ATP9A: variants seen among roughly 807,000 people sequenced by gnomAD.
ATP9A encodes ATPase phospholipid transporting 9A, also known as probable phospholipid-transporting ATPase IIA.
Under a neutral mutation model 144.1 loss-of-function variants are expected in ATP9A, and 52 were observed. The ratio of observed to expected loss-of-function variants is 0.36; its 90% CI spans 0.29 to 0.45. The LOEUF (loss-of-function observed/expected upper bound fraction) is 0.45. Among genes scored for constraint, ATP9A ranks in the 20% least tolerant of loss-of-function variants. The pLI, the probability that ATP9A is intolerant of heterozygous loss-of-function variation, is 1.00. For synonymous variants in ATP9A, 582 were observed against 557.4 expected (o/e 1.04, Z -0.62); for missense variants, 947 against 1,392.7 (o/e 0.68, Z 5.09).
chr20:51,710,306 A>G (rs1006462575), intron 4 of ATP9A, among the ~76,000 whole-genome samples: 4 of 151,904 alleles, frequency 2.6e-5, no homozygotes, highest in African/African-American at 9.7e-5. Flanking sequence ...TCCGTCTAAA[A>G]AAAAAGAAAA....
chr20:51,603,543 A>C (rs754547540), intron 27 of ATP9A, among the ~76,000 whole-genome samples: 1 of 152,162 alleles, frequency 6.6e-6, no homozygotes, highest in Non-Finnish European at 1.5e-5. Flanking sequence ...GTGGCCCTGC[A>C]GGGACTTGTG....
In ATP9A at chr20:51,600,845, C is replaced by CAT. The variant is rs1555826529; in HGVS notation, c.*365_*366insAT. On this transcript the variant is annotated 3_prime_UTR_variant, in exon 28 of 28. Transcript: ENST00000338821. ...ACACACACACACACACACACACACACAAGCCTTCTACAACCTTCAGCTACA... is the reference window on the plus strand; with the variant it reads ...ACACACACACACACACACACACACACATAAGCCTTCTACAACCTTCAGCTACA... The CAT allele has an allele frequency of 1.1e-5, 2 of 181,294 alleles. No homozygotes were observed. Among genetic ancestry groups the CAT allele is most frequent in the East Asian group, 1.5e-4 (1 of 6,896 alleles). The allele number at this position is 181,294 out of a possible 1,614,324, so 11.2% of individuals were successfully genotyped here.
chr20:51,697,233 A>G (rs962338042), intron 5 of ATP9A, among the ~76,000 whole-genome samples, 191 bp downstream of exon 5: 3 of 142,270 alleles, frequency 2.1e-5, no homozygotes, highest in Non-Finnish European at 4.6e-5. Context: ...TTGAAAAAAT[A>G]TTTGTGTGTG....
At chr20:51,623,103 A>G (rs1238649848) in intron 18 of ATP9A, among the ~76,000 whole-genome samples, 1 of 152,236 alleles carries the variant, frequency 6.6e-6, no homozygotes, top group East Asian at 1.9e-4. Flanking sequence ...GACGGGCAGA[A>G]GGAAGGCACC....
intron 1 of ATP9A, among the ~76,000 whole-genome samples, chr20:51,748,648 C>G (rs1444960416): frequency 1.3e-5 from 2 of 152,168 alleles, no homozygotes; most frequent in East Asian, 3.8e-4. Flanking sequence ...ATGGCATCAC[C>G]TCAGGGAGGA....
chr20:51,692,936 C>T (rs961669154), intron 7 of ATP9A, among the ~76,000 whole-genome samples: 1 of 152,202 alleles, frequency 6.6e-6, no homozygotes, highest in African/African-American at 2.4e-5. Flanking sequence ...CCCGCCAAGA[C>T]ATGGAACTTT....
At chr20:51,766,671 T>C (rs556460932) in intron 1 of ATP9A, among the ~76,000 whole-genome samples, 229 of 151,974 alleles carry the variant, frequency 1.5e-3, no homozygotes, top group African/African-American at 5.4e-3. Context: ...GAAACCCCCG[T>C]CTCTACTAAA....
intron 8 of ATP9A, 73 bp downstream of exon 8, chr20:51,690,666 G>T: frequency 7.8e-7 from 1 of 1,278,126 alleles, no homozygotes; most frequent in Non-Finnish European, 1.1e-6. Flanking sequence ...AGAACTGTCA[G>T]TACTTCTTGG....
In ATP9A at chr20:51,730,234, C is replaced by T. The variant is rs8118519; in HGVS notation, c.69-256G>A. Among the ~76,000 whole-genome samples the T allele has an allele frequency of 0.067, 10,263 of 152,080 alleles. 792 individuals are homozygous for T. Among genetic ancestry groups the T allele is most frequent in the African/African-American group, 0.19 (7,795 of 41,442 alleles). On this transcript the variant is annotated intron_variant, in intron 1 of 27. Transcript: ENST00000338821. ...CTGTAATCCCAGCACTTTGGGAGGC[C>T]GAGGTGGGCAGACCACAAGGTCAAG...
intron 1 of ATP9A, among the ~76,000 whole-genome samples, chr20:51,739,340 ACACT>A (rs2077775265): frequency 1.4e-5 from 2 of 145,484 alleles, no homozygotes; most frequent in East Asian, 2.0e-4. Flanking sequence ...CTTCTATCCT[ACACT>A]CACTCTTTTT....
chr20:51,625,374 C>G lies in ATP9A; in HGVS notation c.1846-12G>C, dbSNP rs2077244040. ...TGGACGTAGCGGGCCTGGGACACAC[C>G]AGCAGATGCAGTCACTGCTTAGGGT... is the stretch of plus-strand genomic sequence containing the variant. On this transcript the variant is annotated splice_polypyrimidine_tract_variant and intron_variant, in intron 17 of 27. Transcript: ENST00000338821. The G allele has an allele frequency of 6.2e-7, 1 of 1,608,800 alleles. No homozygotes were observed. Among genetic ancestry groups the G allele is most frequent in the Non-Finnish European group, 8.5e-7 (1 of 1,176,766 alleles).
At chr20:51,697,724 T>A (rs1234231123) in intron 4 of ATP9A, among the ~76,000 whole-genome samples, 1 of 152,132 alleles carries the variant, frequency 6.6e-6, no homozygotes. Flanking sequence ...CAGCCCTTCA[T>A]GAAAGATCAT....
intron 14 of ATP9A, among the ~76,000 whole-genome samples, chr20:51,652,971 G>C (rs1029550434): frequency 6.6e-6 from 1 of 151,928 alleles, no homozygotes; most frequent in African/African-American, 2.4e-5. Context: ...ATAGCCGGGC[G>C]TGGCAGCGTG....
At chr20:51,717,702 TC>T (rs2077668268) in intron 3 of ATP9A, among the ~76,000 whole-genome samples, 1 of 152,126 alleles carries the variant, frequency 6.6e-6, no homozygotes, top group South Asian at 2.1e-4. Flanking sequence ...ATTCCCATAA[TC>T]CCAGCACTTT....
intron 11 of ATP9A, among the ~76,000 whole-genome samples, chr20:51,672,511 A>G (rs1406736685): frequency 6.6e-6 from 1 of 152,142 alleles, no homozygotes; most frequent in African/African-American, 2.4e-5. Context: ...AAGTGGATGT[A>G]TTTATCCTCT....
At chr20:51,738,712 A>T (rs992946746) in intron 1 of ATP9A, among the ~76,000 whole-genome samples, 3 of 151,316 alleles carry the variant, frequency 2.0e-5, no homozygotes, top group Non-Finnish European at 4.4e-5. Context: ...TCTGTCTCAA[A>T]AAAATAAATA....
intron 4 of ATP9A, among the ~76,000 whole-genome samples, chr20:51,701,382 G>A (rs944271140): frequency 2.6e-5 from 4 of 152,058 alleles, no homozygotes; most frequent in Admixed American, 6.5e-5. Flanking sequence ...TAAGCGTAAG[G>A]TTGCTTTCCT....
At chr20:51,734,278 C>G (rs1427493809) in intron 1 of ATP9A, among the ~76,000 whole-genome samples, 2 of 152,094 alleles carry the variant, frequency 1.3e-5, no homozygotes, top group Non-Finnish European at 2.9e-5. Context: ...CCACCCCACT[C>G]AGCCCCTCCT....
Position 51,597,193 on chromosome 20 carries a change from A to G in ATP9A, c.*4018T>C, listed in dbSNP as rs1232977425. 1 of 152,154 alleles carries G rather than the reference A, an allele frequency of 6.6e-6. No individual in the cohort carries two copies. Among genetic ancestry groups the G allele is most frequent in the Non-Finnish European group, 1.5e-5 (1 of 68,034 alleles). 9.4% of individuals were successfully genotyped at this position (152,154 alleles called of 1,614,324 possible). On this transcript the variant is annotated 3_prime_UTR_variant, in exon 28 of 28. Coordinates refer to ENST00000338821, the MANE Select transcript of ATP9A (RefSeq NM_006045.3). ...CGCCTCAAACCATGCTGTGGCGGAG[A>G]AGACAGATTCACGGGTAATGCCGCT...
Sources: gnomAD v4.1 joint callset for allele counts (sites outside exome capture counted in the v4.1 genomes callset) on GRCh38, gnomAD v4.1.1 for gene constraint, MANE v1.5 for transcripts, NCBI Gene and HGNC (gene_info 2026-07-23, HGNC 2026-07-21) for gene names.